The following MROH1 variants were observed in gnomAD, a reference collection of about 807,000 sequenced individuals.
The protein encoded by MROH1 is maestro heat like repeat family member 1.
In MROH1, 117 loss-of-function variants were observed where a neutral mutation model predicts 116.5. The ratio of observed to expected loss-of-function variants is 1.00; its 90% CI spans 0.86 to 1.17. MROH1 has a LOEUF of 1.17. Ranked by LOEUF, MROH1 falls within the 50% of genes most tolerant of loss-of-function variation. MROH1 has a pLI of 0.00. For missense variants in MROH1, 1,873 were observed against 1,338.5 expected, an observed-to-expected ratio of 1.40 and a Z score of -6.23; for synonymous variants, 921 against 583.9, an observed-to-expected ratio of 1.58 and a Z score of -8.32.
intron 12 of MROH1, among the ~76,000 whole-genome samples, chr8:144,217,769 A>C (rs1835586348): frequency 1.3e-5 from 2 of 152,260 alleles, no homozygotes; most frequent in South Asian, 4.1e-4. Context: ...ACACCTGCCT[A>C]ATTTTTGTGA....
At chr8:144,260,642 C>G in intron 39 of MROH1, 35 bp from the exon 40 acceptor site, 1 of 775,016 alleles carries the variant, frequency 1.3e-6, no homozygotes, top group Non-Finnish European at 2.4e-6. Flanking sequence ...AGGGGCACAG[C>G]CTGTGAGGAG....
At chr8:144,244,403 G>C in intron 27 of MROH1, 41 bp from the exon 28 acceptor site, 1 of 728,846 alleles carries the variant, frequency 1.4e-6, no homozygotes, top group East Asian at 2.6e-5. Context: ...TGTAGGCTGC[G>C]GGGTCACTGG....
intron 39 of MROH1, 97 bp from the exon 40 acceptor site, chr8:144,260,580 G>C (rs994930462): frequency 6.5e-6 from 5 of 763,532 alleles, no homozygotes; most frequent in South Asian, 5.4e-5. Context: ...TTCCTGGCCC[G>C]GGTCAGGCAA....
intron 24 of MROH1, 29 bp from the exon 25 acceptor site, chr8:144,243,465 G>C (rs1841367660): frequency 2.6e-6 from 2 of 777,700 alleles, no homozygotes; most frequent in East Asian, 4.8e-5. Context: ...GCGGGCGTGG[G>C]CGTCTCCTGT....
intron 14 of MROH1, among the ~76,000 whole-genome samples, chr8:144,232,543 G>C (rs1002352014): frequency 6.6e-6 from 1 of 151,432 alleles, no homozygotes; most frequent in African/African-American, 2.4e-5. Flanking sequence ...CCCCGGGCTG[G>C]AGTGCAGTGG....
rs1251523324 is a variant in MROH1 at position 144,241,264 on chromosome 8, ATG to A, written c.2056-127_2056-126del. ...GCGTATATGCAGAGAGGGTGTGTGCATGTGTTGATGTGTGTGCAAGTGTGCGC... is the reference window on the plus strand; with the variant it reads ...GCGTATATGCAGAGAGGGTGTGTGCATGTTGATGTGTGTGCAAGTGTGCGC... On this transcript the variant is annotated intron_variant, in intron 21 of 43. Coordinates refer to ENST00000326134, the MANE Select transcript of MROH1 (RefSeq NM_032450.3). 3,927 of 690,474 alleles carry A rather than the reference ATG, an allele frequency of 5.7e-3. 48 individuals are homozygous for A. Among genetic ancestry groups the A allele is most frequent in the South Asian group, 0.031 (1,904 of 61,910 alleles). The allele number at this position is 690,474 out of a possible 1,614,324, so 42.8% of individuals were successfully genotyped here. A position where few individuals can be genotyped will look rare whatever the true frequency, so the allele number is the denominator to read the frequency against.
At chr8:144,169,609 A>G (rs1479439323) in intron 4 of MROH1, among the ~76,000 whole-genome samples, 1 of 149,634 alleles carries the variant, frequency 6.7e-6, no homozygotes, top group Non-Finnish European at 1.5e-5. Flanking sequence ...GCACCACCAC[A>G]CACGGCTAAT....
intron 12 of MROH1, among the ~76,000 whole-genome samples, chr8:144,207,706 A>T (rs935493496): frequency 7.2e-5 from 11 of 152,098 alleles, no homozygotes; most frequent in Non-Finnish European, 1.5e-4. Flanking sequence ...TTGTCGTTTT[A>T]TTATGATTAT....
intron 22 of MROH1, among the ~76,000 whole-genome samples, chr8:144,241,999 C>G (rs956213302): frequency 2.0e-5 from 3 of 152,244 alleles, no homozygotes; most frequent in Non-Finnish European, 4.4e-5. Flanking sequence ...CCTTGCTGTG[C>G]GGATGGAGGC....
chr8:144,175,477 C>A (rs1016595921), intron 4 of MROH1: 6 of 984,988 alleles, frequency 6.1e-6, no homozygotes, highest in Admixed American at 1.2e-4. Flanking sequence ...ATTTTCAATT[C>A]TTTCCTCCCC....
At chr8:144,202,306 G>A (rs1406371414) in intron 12 of MROH1, among the ~76,000 whole-genome samples, 6 of 151,634 alleles carry the variant, frequency 4.0e-5, no homozygotes, top group Non-Finnish European at 5.9e-5. Context: ...GGGTTGGGAA[G>A]GCAGCGACCC....
intron 24 of MROH1, among the ~76,000 whole-genome samples, 155 bp from the exon 25 acceptor site, chr8:144,243,338 TC>T (rs1230349907): frequency 2.6e-5 from 4 of 152,244 alleles, no homozygotes; most frequent in African/African-American, 9.6e-5. Flanking sequence ...CCCCGCTTCT[TC>T]CACATGGACT....
At chr8:144,238,925 G>T in intron 15 of MROH1, 62 bp downstream of exon 15, 2 of 768,506 alleles carry the variant, frequency 2.6e-6, no homozygotes, top group South Asian at 1.3e-5. Flanking sequence ...AGTGGCCCAG[G>T]GTGCTCAGGC....
intron 14 of MROH1, among the ~76,000 whole-genome samples, chr8:144,223,454 C>T (rs535328059): frequency 3.9e-5 from 6 of 152,084 alleles, no homozygotes; most frequent in Non-Finnish European, 7.4e-5. Context: ...TAGCACACTG[C>T]AGCCTGGAAC....
chr8:144,201,928 G>C lies in MROH1; in HGVS notation c.1141+1387G>C, dbSNP rs1184925075. ...CCAAGCTACTTGGGAGGCTGAGGCA[G>C]AATTGCTTAAACTCAGAAGGCTGAG... is the stretch of plus-strand genomic sequence containing the variant. On this transcript the variant is annotated intron_variant, in intron 12 of 43. Transcript: ENST00000326134. Among the ~76,000 whole-genome samples the C allele has an allele frequency of 2.7e-5, 4 of 150,274 alleles. No homozygotes were observed. The Admixed American group carries it at 2.7e-4, about 10-fold the overall frequency.
chr8:144,198,753 G>A (rs1036617919), intron 10 of MROH1, among the ~76,000 whole-genome samples: 1 of 152,154 alleles, frequency 6.6e-6, no homozygotes, highest in African/African-American at 2.4e-5. Flanking sequence ...CTCCTCTTTA[G>A]TCAAGAAATA....
At chr8:144,248,528 C>T (rs937925263) in intron 31 of MROH1, among the ~76,000 whole-genome samples, 12 of 152,170 alleles carry the variant, frequency 7.9e-5, no homozygotes, top group Non-Finnish European at 1.6e-4. Flanking sequence ...CCCTTGACCC[C>T]GTGTTCTAGA....
chr8:144,197,058 GCA>G (rs1325053286), intron 10 of MROH1, among the ~76,000 whole-genome samples: 2 of 152,120 alleles, frequency 1.3e-5, no homozygotes, highest in Admixed American at 6.5e-5. Flanking sequence ...TCGCGCCATT[GCA>G]CTCCAGCCTG....
chr8:144,249,896 A>C (rs1445194900), intron 32 of MROH1, among the ~76,000 whole-genome samples: 1 of 152,178 alleles, frequency 6.6e-6, no homozygotes, highest in Non-Finnish European at 1.5e-5. Context: ...CTGTGAGGGC[A>C]TGGGGCCGCT....
Sources: allele counts gnomAD v4.1 joint callset (sites outside exome capture counted in the v4.1 genomes callset), GRCh38; gene constraint gnomAD v4.1.1; transcripts MANE v1.5; gene names NCBI Gene and HGNC (gene_info 2026-07-23, HGNC 2026-07-21).